Variants in OR2C1 observed in about 807,000 individuals in gnomAD.
OR2C1 encodes the protein olfactory receptor family 2 subfamily C member 1, also known as olfactory receptor 2C1.
For synonymous variants in OR2C1, 209 were observed against 167.3 expected, an observed-to-expected ratio of 1.25 and a Z score of -1.92; for missense variants, 468 against 388.3, an observed-to-expected ratio of 1.21 and a Z score of -1.73.
the OR2C1 span, among the ~76,000 whole-genome samples, chr16:3,338,528 G>C: frequency 3.5e-5 from 3 of 85,012 alleles, no homozygotes; most frequent in Admixed American, 1.4e-4. Flanking sequence ...CAGGAGTCAA[G>C]TATAGGTACC....
At chr16:3,326,500 A>T in the OR2C1 span, among the ~76,000 whole-genome samples, 8 of 152,244 alleles carry the variant, frequency 5.3e-5, no homozygotes, top group African/African-American at 1.9e-4. Flanking sequence ...GTTCTATTCA[A>T]CTAGAAGCTT....
chr16:3,355,010 A>G (rs1194427601), upstream of OR2C1, among the ~76,000 whole-genome samples: 1 of 151,944 alleles, frequency 6.6e-6, no homozygotes, highest in African/African-American at 2.4e-5. Flanking sequence ...CGTCATAGCC[A>G]TTGTTCTGAA....
the OR2C1 span, chr16:3,323,910 G>C: frequency 4.3e-6 from 5 of 1,165,726 alleles, no homozygotes; most frequent in Non-Finnish European, 6.1e-6. Flanking sequence ...ATTTTTCTTT[G>C]CTTTTGCTCT....
At chr16:3,355,379 A>G (rs546375707), upstream of OR2C1, among the ~76,000 whole-genome samples, 1 of 141,854 alleles carries the variant, frequency 7.0e-6, no homozygotes, top group Non-Finnish European at 1.5e-5. Context: ...AATTGCTTGC[A>G]CCTGGGAGGC....
the OR2C1 span, among the ~76,000 whole-genome samples, chr16:3,347,177 G>T: frequency 6.8e-6 from 1 of 148,110 alleles, no homozygotes; most frequent in Non-Finnish European, 1.5e-5. Context: ...AACCCGGGAG[G>T]CAGAGGTTGC....
At chr16:3,351,175 A>G (rs1416324093), upstream of OR2C1, among the ~76,000 whole-genome samples, 1 of 146,590 alleles carries the variant, frequency 6.8e-6, no homozygotes, top group Non-Finnish European at 1.5e-5. Context: ...CCCTATCGTA[A>G]TTTCTCCTGC....
the OR2C1 span, among the ~76,000 whole-genome samples, chr16:3,340,205 G>A: frequency 3.6e-3 from 554 of 152,154 alleles, 3 homozygotes; most frequent in African/African-American, 0.012. Flanking sequence ...CTTGAACCCA[G>A]GAGGTGGAGG....
the OR2C1 span, among the ~76,000 whole-genome samples, chr16:3,339,104 C>T: frequency 6.6e-6 from 1 of 152,122 alleles, no homozygotes; most frequent in African/African-American, 2.4e-5. Context: ...AATGGAATTA[C>T]ACAATATGTG....
downstream of OR2C1, among the ~76,000 whole-genome samples, chr16:3,357,782 G>T (rs1049225909): frequency 6.6e-6 from 1 of 151,962 alleles, no homozygotes; most frequent in African/African-American, 2.4e-5. Flanking sequence ...AGGAGTTCGG[G>T]ACCAGCCTGA....
At chr16:3,323,626 A>G in the OR2C1 span, 1 of 722,126 alleles carries the variant, frequency 1.4e-6, no homozygotes, top group Admixed American at 1.9e-5. Flanking sequence ...GCACCAGTAG[A>G]CTCACGCCAA....
the OR2C1 span, among the ~76,000 whole-genome samples, chr16:3,349,638 A>G: frequency 2.0e-5 from 3 of 152,132 alleles, no homozygotes; most frequent in African/African-American, 7.2e-5. Flanking sequence ...AATCCAGGAT[A>G]TAAGAGAGAG....
the OR2C1 span, among the ~76,000 whole-genome samples, chr16:3,349,802 A>T: frequency 0.026 from 4,021 of 151,782 alleles, 188 homozygotes; most frequent in African/African-American, 0.091. Context: ...CTAGGGAGGC[A>T]GAGGCAGGAG....
chr16:3,333,211 A>ATTTTTTTTTTTTTTTTTTTTTTTTTTTTT, the OR2C1 span, among the ~76,000 whole-genome samples: 1 of 65,854 alleles, frequency 1.5e-5, no homozygotes, highest in East Asian at 3.9e-4. Flanking sequence ...TCTTTTGCCC[A>ATTTTTTTTTTTTTTTTTTTTTTTTTTTTT]TTTTTTTTTT....
At position 3,357,165 on chromosome 16, in the gene OR2C1, G is replaced by T. The variant is rs892072192; in HGVS notation, c.*286G>T. The T allele has an allele frequency of 2.8e-6, 1 of 351,288 alleles. No homozygotes were observed. The highest frequency in any genetic ancestry group is 2.1e-5 in the African/African-American group (1 of 48,078). 21.8% of individuals were successfully genotyped at this position (351,288 alleles called of 1,614,324 possible). On this transcript the variant is annotated 3_prime_UTR_variant, in exon 1 of 1. Transcript: ENST00000304936. ...GTGACAGACCTGTCTCACTGTCTCT[G>T]TCTCTGTTGCCCACATGTTATTTAA...
Position 3,355,955 on chromosome 16 carries a change from T to C in OR2C1, c.15T>C (p.Asn5=), listed in dbSNP as rs1258699053. 1.2e-6 allele frequency: 2 copies of C among 1,609,624 alleles called. No individual in the cohort carries two copies. Among genetic ancestry groups the C allele is most frequent in the African/African-American group, 2.7e-5 (2 of 74,874 alleles). Residue 5 remains asparagine (N), a synonymous_variant, in exon 1 of 1, where the codon AAT becomes AAC. Transcript: ENST00000304936. ...GACAACCAGTGATGGACGGGGTGAA[T>C]GATAGCTCCTTGCAGGGCTTTGTTC... MDGV[N]DSSLQGFVLM... is the part of the protein sequence containing the mutation.
the OR2C1 span, among the ~76,000 whole-genome samples, chr16:3,332,545 C>A: frequency 6.6e-6 from 1 of 152,072 alleles, no homozygotes; most frequent in African/African-American, 2.4e-5. Context: ...TGCTAACCTT[C>A]TCAGGCTTCA....
chr16:3,333,988 G>A, the OR2C1 span, among the ~76,000 whole-genome samples: 3 of 149,084 alleles, frequency 2.0e-5, no homozygotes, highest in African/African-American at 4.9e-5. Flanking sequence ...TTGGGGTGGT[G>A]GGGGGACAGG....
the OR2C1 span, chr16:3,323,774 C>T: frequency 2.8e-6 from 2 of 716,764 alleles, no homozygotes; most frequent in South Asian, 3.2e-5. Flanking sequence ...TGATTCCAGT[C>T]CCTTAAACCT....
At chr16:3,326,608 A>G in the OR2C1 span, among the ~76,000 whole-genome samples, 2 of 152,280 alleles carry the variant, frequency 1.3e-5, no homozygotes, top group South Asian at 4.1e-4. Context: ...TGGAGATCTG[A>G]GAGGTTCCTG....
Sources: gnomAD v4.1 joint callset for allele counts (sites outside exome capture counted in the v4.1 genomes callset) on GRCh38, gnomAD v4.1.1 for gene constraint, MANE v1.5 for transcripts, NCBI Gene and HGNC (gene_info 2026-07-23, HGNC 2026-07-21) for gene names.